The following NFIB variants were observed in gnomAD, a reference collection of about 807,000 sequenced individuals.
NFIB encodes the protein nuclear factor 1 B-type.
In NFIB, 11 loss-of-function variants were observed where a neutral mutation model predicts 61.5. The ratio of observed to expected loss-of-function variants is 0.18; its 90% CI spans 0.11 to 0.30. NFIB has a LOEUF of 0.30. Among genes scored for constraint, NFIB ranks in the 10% least tolerant of loss-of-function variants. The pLI is 1.00. For synonymous variants in NFIB, 260 were observed against 216.5 expected, an observed-to-expected ratio of 1.20 and a Z score of -1.76; for missense variants, 471 against 608.9, an observed-to-expected ratio of 0.77 and a Z score of 2.38.
chr9:14,400,400 G>A (rs73419692), upstream of NFIB, among the ~76,000 whole-genome samples: 114 of 152,250 alleles, frequency 7.5e-4, 1 homozygote, highest in African/African-American at 2.7e-3. Flanking sequence ...TGACTTTGCA[G>A]AATAAAAGCT....
chr9:14,331,554 T>C (rs2060820807), intron 1 of NFIB, among the ~76,000 whole-genome samples: 1 of 152,240 alleles, frequency 6.6e-6, no homozygotes, highest in African/African-American at 2.4e-5. Flanking sequence ...AAAGAACTTA[T>C]CAAGCTGGGT....
Position 14,179,740 on chromosome 9 carries a change from G to A in NFIB, c.603C>T (p.Ala201=), listed in dbSNP as rs749679358. 6.2e-7 allele frequency: 1 copy of A among 1,613,510 alleles called. No homozygotes were observed. Among genetic ancestry groups the A allele is most frequent in the East Asian group, 2.2e-5 (1 of 44,852 alleles). The part of the protein sequence containing the change: ...QSGSPSHNDP[A]KNPPGYLEDS... Reference sequence around the variant, plus strand: ...ACACATATTTACCTGGAGGATTCTTGGCAGGATCATTGTGGCTTGGACTTC... The same window carrying A: ...ACACATATTTACCTGGAGGATTCTTAGCAGGATCATTGTGGCTTGGACTTC... The change falls in exon 3 of 11, where the codon GCC becomes GCT. Residue 201 remains alanine (A), a synonymous_variant. Transcript: ENST00000380953.
the NFIB span, among the ~76,000 whole-genome samples, chr9:14,463,849 A>T: frequency 6.6e-6 from 1 of 151,522 alleles, no homozygotes; most frequent in Non-Finnish European, 1.5e-5. Flanking sequence ...TTTAGTAGAG[A>T]CAGGGTTTCA....
At chr9:14,203,903 A>C (rs773010014) in intron 2 of NFIB, among the ~76,000 whole-genome samples, 1 of 152,176 alleles carries the variant, frequency 6.6e-6, no homozygotes, top group African/African-American at 2.4e-5. Flanking sequence ...TTTTCTGCTG[A>C]TTAAAGAAAC....
At chr9:14,287,153 C>T (rs1322218681) in intron 2 of NFIB, among the ~76,000 whole-genome samples, 3 of 151,276 alleles carry the variant, frequency 2.0e-5, no homozygotes, top group African/African-American at 4.9e-5. Flanking sequence ...TATTATAGGC[C>T]GGGCGCGGTG....
chr9:14,190,102 C>A (rs2047784028), intron 2 of NFIB, among the ~76,000 whole-genome samples: 1 of 152,014 alleles, frequency 6.6e-6, no homozygotes, highest in Non-Finnish European at 1.5e-5. Context: ...TAAAAAGATA[C>A]TTTGCCAAAT....
chr9:14,256,348 T>C (rs2056218711), intron 2 of NFIB, among the ~76,000 whole-genome samples: 1 of 152,260 alleles, frequency 6.6e-6, no homozygotes, highest in East Asian at 1.9e-4. Flanking sequence ...ATATACCCAT[T>C]CTGCACATTT....
intron 1 of NFIB, among the ~76,000 whole-genome samples, chr9:14,342,178 C>G (rs1207072382): frequency 6.6e-6 from 1 of 152,146 alleles, no homozygotes; most frequent in Non-Finnish European, 1.5e-5. Flanking sequence ...CTCTCATTAA[C>G]CATTTGAAAA....
the NFIB span, among the ~76,000 whole-genome samples, chr9:14,503,669 G>T: frequency 1.3e-5 from 2 of 151,952 alleles, no homozygotes; most frequent in Non-Finnish European, 2.9e-5. Context: ...TTTTTGTTGG[G>T]ACTGTTTTTT....
At chr9:14,483,003 A>G in the NFIB span, among the ~76,000 whole-genome samples, 1 of 152,102 alleles carries the variant, frequency 6.6e-6, no homozygotes, top group Non-Finnish European at 1.5e-5. Flanking sequence ...TAAAAATAAA[A>G]CCCATTATGT....
At chr9:14,453,243 G>A in the NFIB span, among the ~76,000 whole-genome samples, 3 of 152,222 alleles carry the variant, frequency 2.0e-5, no homozygotes, top group African/African-American at 7.2e-5. Context: ...TGTGTGTAAT[G>A]TATAACAAAC....
chr9:14,107,096 G>A (rs899423182), intron 10 of NFIB, among the ~76,000 whole-genome samples: 5 of 151,878 alleles, frequency 3.3e-5, no homozygotes, highest in African/African-American at 9.7e-5. Context: ...AGGGGTGAAG[G>A]CTCTTTTTGC....
chr9:14,349,111 G>A (rs1330632595), intron 1 of NFIB, among the ~76,000 whole-genome samples: 2 of 152,188 alleles, frequency 1.3e-5, no homozygotes, highest in African/African-American at 2.4e-5. Context: ...GCTCTTGCGA[G>A]CAAACAGATC....
rs369590967 is a variant in NFIB, at chr9:14,237,837, A to G, written c.563-58057T>C. Among the ~76,000 whole-genome samples the G allele has an allele frequency of 1.7e-3, 112 of 64,302 alleles. 4 individuals carry two copies. Among genetic ancestry groups the G allele is most frequent in the African/African-American group, 7.2e-3 (107 of 14,878 alleles). 42.2% of individuals were successfully genotyped at this position (64,302 alleles called of 152,430 possible). On this transcript the variant is annotated intron_variant, in intron 2 of 10. Coordinates refer to ENST00000380953, the MANE Select transcript of NFIB (RefSeq NM_001190737.2). ...GTGTAAGCTCCTCACCCTGCTAGGT[A>G]TAACAGTGTGTGTGTGTGTGTGTGT...
the NFIB span, among the ~76,000 whole-genome samples, chr9:14,445,222 T>C: frequency 1.3e-5 from 2 of 152,196 alleles, no homozygotes; most frequent in African/African-American, 2.4e-5. Context: ...TTAACCTGTA[T>C]ATTTTGGGGG....
rs555398532 is a variant in NFIB, at chr9:14,170,143, C to T, written c.616+9584G>A. On this transcript the variant is annotated intron_variant, in intron 3 of 10. Coordinates refer to ENST00000380953, the MANE Select transcript of NFIB (RefSeq NM_001190737.2). ...GGACAGTTTAGTCCAGCGAGCTTAA[C>T]TTCTGCAAAGTTCAGTGATTTTAAC... Among the ~76,000 whole-genome samples the T allele has an allele frequency of 6.1e-3, 929 of 152,308 alleles. 9 individuals carry two copies. Among genetic ancestry groups the T allele is most frequent in the South Asian group, 0.025 (122 of 4,828 alleles).
chr9:14,463,689 G>C, the NFIB span, among the ~76,000 whole-genome samples: 1 of 39,106 alleles, frequency 2.6e-5, no homozygotes, highest in African/African-American at 1.1e-4. Flanking sequence ...TTTTGAGACG[G>C]AGTCTCTGTC....
At chr9:14,289,421 G>C (rs2058945631) in intron 2 of NFIB, among the ~76,000 whole-genome samples, 1 of 151,622 alleles carries the variant, frequency 6.6e-6, no homozygotes, top group South Asian at 2.1e-4. Flanking sequence ...ATTTGGCTGA[G>C]GGGATGGGGC....
the NFIB span, among the ~76,000 whole-genome samples, chr9:14,452,424 G>GAAGC: frequency 1.0e-5 from 1 of 99,744 alleles, no homozygotes; most frequent in African/African-American, 3.3e-5. Flanking sequence ...AGGAAGGAAG[G>GAAGC]GAGGGAGGGA....
Sources: allele counts gnomAD v4.1 joint callset (sites outside exome capture counted in the v4.1 genomes callset), GRCh38; gene constraint gnomAD v4.1.1; transcripts MANE v1.5; gene names NCBI Gene and HGNC (gene_info 2026-07-23, HGNC 2026-07-21).